CDH23: variants seen among roughly 807,000 people sequenced by gnomAD.
CDH23 encodes cadherin-23.
CDH23 carries 189 observed loss-of-function variants against 317.1 expected under a neutral mutation model. The ratio of observed to expected loss-of-function variants is 0.60; its 90% CI spans 0.53 to 0.67. The LOEUF (loss-of-function observed/expected upper bound fraction) is 0.67. Ranked by LOEUF, CDH23 falls within the 30% of genes least tolerant of loss-of-function variation. CDH23 has a pLI of 0.00. For missense variants in CDH23, 4,401 were observed against 4,592.4 expected, an observed-to-expected ratio of 0.96 and a Z score of 1.20; for synonymous variants, 1,839 against 1,876.8, an observed-to-expected ratio of 0.98 and a Z score of 0.52.
chr10:71,746,443 C>T (rs1368999382), intron 38 of CDH23, among the ~76,000 whole-genome samples: 1 of 152,254 alleles, frequency 6.6e-6, no homozygotes, highest in African/African-American at 2.4e-5. Flanking sequence ...CTCGGAACAG[C>T]TGTGCTGCAA....
intron 11 of CDH23, among the ~76,000 whole-genome samples, chr10:71,642,711 T>C (rs989625322): frequency 6.6e-6 from 1 of 152,172 alleles, no homozygotes; most frequent in Non-Finnish European, 1.5e-5. Flanking sequence ...GGGCCCGGCC[T>C]CTTATCCCCC....
At chr10:71,400,481 G>A (rs188381717) in intron 1 of CDH23, among the ~76,000 whole-genome samples, 51 of 152,002 alleles carry the variant, frequency 3.4e-4, no homozygotes, top group African/African-American at 1.2e-3. Context: ...TTCAGACATC[G>A]ATTTGAAAAT....
At position 71,811,401 on chromosome 10, in the gene CDH23, C is replaced by T. The variant is rs780509840; in HGVS notation, c.9164C>T (p.Ser3055Phe). ...GTCCTGGACGTGCAGCCTGCCATCT[C>T]TGTCCGGCTGCCGGATGACATGTCT... ...YNVLDVQPAISVRLPDDMSAL... is the reference protein window; with the variant it reads ...YNVLDVQPAIFVRLPDDMSAL... Residue 3055 changes from serine (S) to phenylalanine (F), a missense_variant, in exon 63 of 70, where the codon TCT becomes TTT. By Grantham distance (155) the Ser-to-Phe change is radical. Coordinates refer to ENST00000224721, the MANE Select transcript of CDH23 (RefSeq NM_022124.6). 6.2e-7 allele frequency: 1 copy of T among 1,613,990 alleles called. No homozygotes were observed. The highest frequency in any genetic ancestry group is 8.5e-7 in the Non-Finnish European group (1 of 1,179,888).
chr10:71,440,597 C>A (rs1256580696), intron 2 of CDH23, among the ~76,000 whole-genome samples: 1 of 152,204 alleles, frequency 6.6e-6, no homozygotes, highest in African/African-American at 2.4e-5. Flanking sequence ...CAGGAGCCTT[C>A]CCCTCTGCCC....
At chr10:71,640,254 C>G (rs1200628664) in intron 11 of CDH23, among the ~76,000 whole-genome samples, 1 of 152,214 alleles carries the variant, frequency 6.6e-6, no homozygotes, top group Non-Finnish European at 1.5e-5. Context: ...TCACTGTTGA[C>G]CTCAGCCTGC....
At chr10:71,666,474 A>T (rs1347794687) in intron 14 of CDH23, among the ~76,000 whole-genome samples, 1 of 152,168 alleles carries the variant, frequency 6.6e-6, no homozygotes, top group Admixed American at 6.5e-5. Context: ...CTCAGAGAGC[A>T]GCTTCCCACC....
chr10:71,480,650 G>A (rs144606593), intron 3 of CDH23, among the ~76,000 whole-genome samples: 10 of 152,316 alleles, frequency 6.6e-5, no homozygotes, highest in East Asian at 1.9e-4. Context: ...CAGGGATGGC[G>A]TCCACGACCT....
intron 3 of CDH23, among the ~76,000 whole-genome samples, chr10:71,500,936 C>T (rs1159190105): frequency 6.6e-6 from 1 of 151,790 alleles, no homozygotes; most frequent in Middle Eastern, 3.2e-3. Flanking sequence ...GTGGCATGAT[C>T]TTGGCTCACT....
At chr10:71,602,652 C>T (rs1041463281) in intron 9 of CDH23, among the ~76,000 whole-genome samples, 1 of 152,188 alleles carries the variant, frequency 6.6e-6, no homozygotes, top group Non-Finnish European at 1.5e-5. Flanking sequence ...CATTGCACCC[C>T]ACCCTGCCCC....
chr10:71,712,828 G>A lies in CDH23; in HGVS notation c.3369+15G>A, dbSNP rs1424579190. The A allele has an allele frequency of 6.2e-7, 1 of 1,607,792 alleles. No homozygotes were observed. ...GCATCTTGCAGGCAGGTGGCCCGTGGCCTCTGGGGCAGGTGGTGGGCTGGG... is the reference window on the plus strand; with the variant it reads ...GCATCTTGCAGGCAGGTGGCCCGTGACCTCTGGGGCAGGTGGTGGGCTGGG... On this transcript the variant is annotated intron_variant, in intron 28 of 69. Coordinates refer to ENST00000224721, the MANE Select transcript of CDH23 (RefSeq NM_022124.6).
intron 38 of CDH23, among the ~76,000 whole-genome samples, chr10:71,758,985 T>G (rs1021475078): frequency 6.6e-6 from 1 of 152,018 alleles, no homozygotes; most frequent in Non-Finnish European, 1.5e-5. Context: ...CTCTCATGTC[T>G]CAGCCTCCCG....
chr10:71,581,623 A>G (rs1858643491), intron 9 of CDH23, among the ~76,000 whole-genome samples: 1 of 152,208 alleles, frequency 6.6e-6, no homozygotes. Flanking sequence ...CTCCATTGCC[A>G]TCAATTTGTT....
At chr10:71,547,021 T>G (rs917593808) in intron 6 of CDH23, among the ~76,000 whole-genome samples, 1 of 152,162 alleles carries the variant, frequency 6.6e-6, no homozygotes, top group African/African-American at 2.4e-5. Context: ...CAGTGATGTT[T>G]TTCAGTACCT....
At chr10:71,482,532 GC>G (rs1852123737) in intron 3 of CDH23, among the ~76,000 whole-genome samples, 1 of 152,190 alleles carries the variant, frequency 6.6e-6, no homozygotes, top group African/African-American at 2.4e-5. Context: ...GGGGGGACAG[GC>G]CCCATAGGAA....
rs10823789 is a variant in CDH23 at position 71,577,660 on chromosome 10, T to C, written c.754-254T>C. ...GTTCTTCCGTGGTGGTCCATTTGAA[T>C]AAGGGATATGGGAAGGGGAAAGGGG... is the stretch of plus-strand genomic sequence containing the variant. On this transcript the variant is annotated intron_variant, in intron 8 of 69. Coordinates refer to ENST00000224721, the MANE Select transcript of CDH23 (RefSeq NM_022124.6). 0.59 allele frequency among the ~76,000 whole-genome samples: 90,031 copies of C among 151,958 alleles called. 27,038 individuals are homozygous for C. The highest frequency in any genetic ancestry group is 0.82 in the East Asian group (4,207 of 5,158).
chr10:71,450,107 C>T (rs1389076670), intron 3 of CDH23, among the ~76,000 whole-genome samples: 4 of 152,132 alleles, frequency 2.6e-5, no homozygotes, highest in African/African-American at 9.7e-5. Flanking sequence ...CGTGGAGTGG[C>T]GTGAGGGCAG....
At chr10:71,591,424 C>T (rs988513322) in intron 9 of CDH23, among the ~76,000 whole-genome samples, 2 of 152,112 alleles carry the variant, frequency 1.3e-5, no homozygotes, top group African/African-American at 4.8e-5. Context: ...CAACTGGGCT[C>T]GTGTCCCCAC....
At chr10:71,770,248 T>C (rs552702203) in intron 38 of CDH23, among the ~76,000 whole-genome samples, 1 of 152,260 alleles carries the variant, frequency 6.6e-6, no homozygotes, top group Non-Finnish European at 1.5e-5. Context: ...CTGTGTTAAG[T>C]GTTCGTTCAT....
At position 71,556,198 on chromosome 10, in the gene CDH23, T is replaced by C. The variant is rs138526305; in HGVS notation, c.430-10544T>C. ...TGAGACTATCATGATGGTCAAGGCTTGGGAGACTTTGCCTTGGAGCAGATG... is the reference window on the plus strand; with the variant it reads ...TGAGACTATCATGATGGTCAAGGCTCGGGAGACTTTGCCTTGGAGCAGATG... On this transcript the variant is annotated intron_variant, in intron 6 of 69. Coordinates refer to ENST00000224721, the MANE Select transcript of CDH23 (RefSeq NM_022124.6). 9.9e-5 allele frequency among the ~76,000 whole-genome samples: 15 copies of C among 152,228 alleles called. No individual in the cohort carries two copies. The East Asian group carries it at 2.7e-3, about 27-fold the overall frequency.
Sources: allele counts gnomAD v4.1 joint callset (sites outside exome capture counted in the v4.1 genomes callset), GRCh38; gene constraint gnomAD v4.1.1; transcripts MANE v1.5; gene names NCBI Gene and HGNC (gene_info 2026-07-23, HGNC 2026-07-21).